The following HHAT variants were observed in gnomAD, a reference collection of about 807,000 sequenced individuals.
HHAT encodes the protein hedgehog acyltransferase.
Under a neutral mutation model 70.8 loss-of-function variants are expected in HHAT, and 47 were observed. The ratio of observed to expected loss-of-function variants is 0.66; its 90% CI spans 0.53 to 0.85. The LOEUF (loss-of-function observed/expected upper bound fraction) is 0.85, where lower values mean the gene tolerates loss of function less well. HHAT is among the 40% of genes least tolerant of loss of function. HHAT has a pLI of 0.00. For missense variants in HHAT, 609 were observed against 604.8 expected (o/e 1.01, Z -0.07); for synonymous variants, 228 against 247.6 (o/e 0.92, Z 0.74).
At chr1:210,362,624 C>T (rs1056915088) in intron 2 of HHAT, among the ~76,000 whole-genome samples, 1 of 152,214 alleles carries the variant, frequency 6.6e-6, no homozygotes, top group African/African-American at 2.4e-5. Context: ...CCTTTTGTGA[C>T]CCTTATTACA....
intron 4 of HHAT, among the ~76,000 whole-genome samples, chr1:210,399,542 A>G (rs1041616197): frequency 1.3e-5 from 2 of 152,110 alleles, no homozygotes; most frequent in Admixed American, 6.5e-5. Flanking sequence ...AGTTTTATAT[A>G]TGAAGAAATG....
chr1:210,331,261 T>G (rs2084961879), intron 1 of HHAT, among the ~76,000 whole-genome samples: 3 of 150,488 alleles, frequency 2.0e-5, no homozygotes, highest in Admixed American at 2.0e-4. Flanking sequence ...GGGGGGTGTG[T>G]TGGTAGACAT....
chr1:210,483,810 C>T (rs921989527), intron 8 of HHAT, among the ~76,000 whole-genome samples: 3 of 152,140 alleles, frequency 2.0e-5, no homozygotes, highest in African/African-American at 7.2e-5. Flanking sequence ...AGATTAAAGA[C>T]CCATCAACCA....
chr1:210,338,239 C>T (rs2085690682), intron 1 of HHAT, among the ~76,000 whole-genome samples: 1 of 151,828 alleles, frequency 6.6e-6, no homozygotes, highest in African/African-American at 2.4e-5. Flanking sequence ...ACTCGGGAGG[C>T]TGAGATGGAA....
intron 9 of HHAT, among the ~76,000 whole-genome samples, chr1:210,578,021 A>G (rs2148758063): frequency 6.6e-6 from 1 of 152,166 alleles, no homozygotes; most frequent in South Asian, 2.1e-4. Context: ...TGAGTTTGGA[A>G]GTGTTCTTTT....
At chr1:210,430,362 A>G (rs1032753611) in intron 7 of HHAT, among the ~76,000 whole-genome samples, 17 of 151,858 alleles carry the variant, frequency 1.1e-4, no homozygotes, top group Non-Finnish European at 2.4e-4. Context: ...GAGTCTGTCC[A>G]TTACTACAGG....
At chr1:210,532,052 A>G (rs2095320516) in intron 9 of HHAT, among the ~76,000 whole-genome samples, 1 of 152,252 alleles carries the variant, frequency 6.6e-6, no homozygotes, top group Admixed American at 6.5e-5. Context: ...CATTTAAAAT[A>G]AAAACACTTT....
intron 6 of HHAT, 48 bp from the exon 7 acceptor site, chr1:210,418,106 T>C (rs760521398): frequency 3.8e-6 from 6 of 1,577,420 alleles, no homozygotes; most frequent in Non-Finnish European, 5.2e-6. Context: ...AAGGGACTGT[T>C]TTAGGAATCA....
intron 4 of HHAT, among the ~76,000 whole-genome samples, chr1:210,398,000 G>A (rs1225426442): frequency 6.6e-6 from 1 of 152,182 alleles, no homozygotes; most frequent in South Asian, 2.1e-4. Context: ...TTACTTGTTT[G>A]TTTGTTACTT....
chr1:210,464,450 C>A, intron 7 of HHAT, 55 bp from the exon 8 acceptor site: 1 of 1,602,374 alleles, frequency 6.2e-7, no homozygotes, highest in South Asian at 1.1e-5. Flanking sequence ...TGGTCTCCTC[C>A]AGGAAACTGC....
intron 3 of HHAT, 56 bp from the exon 4 acceptor site, chr1:210,387,412 G>T: frequency 7.1e-7 from 1 of 1,412,942 alleles, no homozygotes. Context: ...TGGAGTTTGT[G>T]TTCTGACTCA....
chr1:210,505,197 C>G (rs552331985), intron 8 of HHAT, among the ~76,000 whole-genome samples: 52 of 152,272 alleles, frequency 3.4e-4, no homozygotes, highest in African/African-American at 1.2e-3. Context: ...CCATGCCTGG[C>G]CCAACTTTTT....
rs145516472 is a variant in HHAT at position 210,547,870 on chromosome 1, T to G, written c.1043+34682T>G. 9.6e-3 allele frequency among the ~76,000 whole-genome samples: 1,457 copies of G among 152,272 alleles called. 21 individuals are homozygous for G. The highest frequency in any genetic ancestry group is 0.031 in the African/African-American group (1,286 of 41,540). The stretch of plus-strand genomic sequence containing the variant: ...GAGCAGATGTGTTACCCCAGCCAGG[T>G]GGACATCTTAAGTGTGTGTGTACAC... On this transcript the variant is annotated intron_variant, in intron 9 of 11. Transcript: ENST00000261458.
intron 1 of HHAT, among the ~76,000 whole-genome samples, chr1:210,338,052 G>A (rs939193648): frequency 6.6e-6 from 1 of 152,156 alleles, no homozygotes; most frequent in African/African-American, 2.4e-5. Context: ...CAACTGACAG[G>A]CAGAGGATCT....
intron 9 of HHAT, among the ~76,000 whole-genome samples, chr1:210,524,951 G>C (rs1214795327): frequency 2.0e-5 from 3 of 152,042 alleles, no homozygotes; most frequent in African/African-American, 4.8e-5. Context: ...AGTGAGGGTG[G>C]GTTGTGGCAG....
chr1:210,579,016 A>G (rs890592673), intron 9 of HHAT, among the ~76,000 whole-genome samples: 1 of 152,216 alleles, frequency 6.6e-6, no homozygotes, highest in African/African-American at 2.4e-5. Flanking sequence ...AAGAACATGG[A>G]TGGAGCTGGA....
At position 210,334,177 on chromosome 1, in the gene HHAT, C is replaced by CTTTTTTTTTTTTT. The variant is rs1342123521; in HGVS notation, c.-44+5073_-44+5074insTTTTTTTTTTTTT. ...GTACTTGCTGGCCACTTTAGCGTGTCATTTTTTTTTTTTTTTTTTTTGAGA... is the reference window on the plus strand; with the variant it reads ...GTACTTGCTGGCCACTTTAGCGTGTCTTTTTTTTTTTTTATTTTTTTTTTTTTTTTTTTTGAGA... On this transcript the variant is annotated intron_variant, in intron 1 of 11. Coordinates refer to ENST00000261458, the MANE Select transcript of HHAT (RefSeq NM_018194.6). Among the ~76,000 whole-genome samples the CTTTTTTTTTTTTT allele has an allele frequency of 5.6e-3, 195 of 34,530 alleles. 2 individuals are homozygous for CTTTTTTTTTTTTT. Among genetic ancestry groups the CTTTTTTTTTTTTT allele is most frequent in the Non-Finnish European group, 8.6e-3 (163 of 18,950 alleles). The allele number at this position is 34,530 out of a possible 152,430, so 22.7% of individuals were successfully genotyped here.
intron 11 of HHAT, among the ~76,000 whole-genome samples, chr1:210,639,641 T>G (rs1002475076): frequency 5.3e-5 from 8 of 152,210 alleles, no homozygotes; most frequent in Non-Finnish European, 1.0e-4. Flanking sequence ...ACTCACTCTT[T>G]CCTCCTTTCA....
intron 8 of HHAT, among the ~76,000 whole-genome samples, chr1:210,477,810 G>GT (rs1404051908): frequency 6.6e-6 from 1 of 152,202 alleles, no homozygotes; most frequent in Non-Finnish European, 1.5e-5. Flanking sequence ...TCAGCTGGGA[G>GT]TGGGGAACAG....
Sources: gnomAD v4.1 joint callset for allele counts (sites outside exome capture counted in the v4.1 genomes callset) on GRCh38, gnomAD v4.1.1 for gene constraint, MANE v1.5 for transcripts, NCBI Gene and HGNC (gene_info 2026-07-23, HGNC 2026-07-21) for gene names.